Variants in LYNX1 observed in about 807,000 individuals in gnomAD.
LYNX1 encodes the protein Ly6/neurotoxin 1.
Under a neutral mutation model 8.3 loss-of-function variants are expected in LYNX1, and 8 were observed. The ratio of observed to expected loss-of-function variants is 0.97; its 90% CI spans 0.57 to 1.74. LYNX1 has a LOEUF of 1.74. Among genes scored for constraint, LYNX1 ranks in the 40% most tolerant of loss-of-function variants. The probability of loss-of-function intolerance (pLI) is 0.00; values close to 1 mark genes in which losing one functional copy is unlikely to be tolerated. For missense variants in LYNX1, 158 were observed against 159.7 expected (o/e 0.99, Z 0.06); for synonymous variants, 73 against 67.9 (o/e 1.08, Z -0.37).
rs374428985 is a variant in LYNX1, at chr8:142,775,592, C to T, written c.154+1G>A. Reference sequence around the variant, plus strand: ...GGGCCACGCAGGGCCCCCAGACTCACAGGTGCGCGTGGTCATGCAGTAGGC... The same window carrying T: ...GGGCCACGCAGGGCCCCCAGACTCATAGGTGCGCGTGGTCATGCAGTAGGC... On this transcript the variant is annotated splice_donor_variant, in intron 3 of 3. Coordinates refer to ENST00000652477, the MANE Select transcript of LYNX1 (RefSeq NM_177477.4). LOFTEE classifies it high-confidence loss of function. 1.1e-5 allele frequency: 17 copies of T among 1,587,066 alleles called. No individual in the cohort carries two copies. Among genetic ancestry groups the T allele is most frequent in the Non-Finnish European group, 1.5e-5 (17 of 1,166,876 alleles).
At position 142,772,933 on chromosome 8, in the gene LYNX1, A is replaced by C. The variant is rs964058359; in HGVS notation, c.*2234T>G. The C allele has an allele frequency of 2.0e-6, 2 of 985,348 alleles. No homozygotes were observed. The highest frequency in any genetic ancestry group is 1.2e-6 in the Non-Finnish European group (1 of 830,184). The allele number at this position is 985,348 out of a possible 1,614,324, so 61.0% of individuals were successfully genotyped here. A position where few individuals can be genotyped will look rare whatever the true frequency, so the allele number is the denominator to read the frequency against. On this transcript the variant is annotated 3_prime_UTR_variant, in exon 4 of 4. Coordinates refer to ENST00000652477, the MANE Select transcript of LYNX1 (RefSeq NM_177477.4). The stretch of plus-strand genomic sequence containing the variant: ...GCAGGTGTGAGAAGCTGCCCACCCC[A>C]CCCCTCAACACCACAGCACTTCCAG...
chr8:142,774,144 C>CGCCCGA lies in LYNX1; in HGVS notation c.*1022_*1023insTCGGGC. ...CGCTGCGGGGGAGGGGCTGGGTCTCCGCCCTCCCCACCCCACCCTCCCCAC... is the reference window on the plus strand; with the variant it reads ...CGCTGCGGGGGAGGGGCTGGGTCTCCGCCCGAGCCCTCCCCACCCCACCCTCCCCAC... On this transcript the variant is annotated 3_prime_UTR_variant, in exon 4 of 4. Coordinates refer to ENST00000652477, the MANE Select transcript of LYNX1 (RefSeq NM_177477.4). 2.0e-6 allele frequency: 2 copies of CGCCCGA among 983,760 alleles called. No homozygotes were observed. Among genetic ancestry groups the CGCCCGA allele is most frequent in the Non-Finnish European group, 2.4e-6 (2 of 829,060 alleles). The allele number at this position is 983,760 out of a possible 1,614,324, so 60.9% of individuals were successfully genotyped here. A position where few individuals can be genotyped will look rare whatever the true frequency, so the allele number is the denominator to read the frequency against.
chr8:142,772,858 G>A lies in LYNX1; in HGVS notation c.*2309C>T. On this transcript the variant is annotated 3_prime_UTR_variant, in exon 4 of 4. Coordinates refer to ENST00000652477, the MANE Select transcript of LYNX1 (RefSeq NM_177477.4). ...GGCCAGCCAGGCAGAACCATGTGTG[G>A]GGCTGGGACAGGTCAGGGTGGTGGA... 1.0e-6 allele frequency: 1 copy of A among 985,908 alleles called. No homozygotes were observed. Among genetic ancestry groups the A allele is most frequent in the Non-Finnish European group, 1.2e-6 (1 of 830,244 alleles). The allele number at this position is 985,908 out of a possible 1,614,324, so 61.1% of individuals were successfully genotyped here.
At chr8:142,777,498 A>AAGCGCTGGGAC (rs1381956756), upstream of LYNX1, among the ~76,000 whole-genome samples, 6 of 97,504 alleles carry the variant, frequency 6.2e-5, no homozygotes, top group African/African-American at 2.8e-4. Context: ...CCTCCTGGGC[A>AAGCGCTGGGAC]CCCGCCGAGC....
rs587709632 is a variant in LYNX1 at position 142,774,227 on chromosome 8, C to T, written c.*940G>A. Reference sequence around the variant, plus strand: ...TGCTCCGCCTTCCCACGCCCAGGCCCGCGCCGGCCCCAGGCTGCTCCCAAC... The same window carrying T: ...TGCTCCGCCTTCCCACGCCCAGGCCTGCGCCGGCCCCAGGCTGCTCCCAAC... On this transcript the variant is annotated 3_prime_UTR_variant, in exon 4 of 4. Coordinates refer to ENST00000652477, the MANE Select transcript of LYNX1 (RefSeq NM_177477.4). The T allele has an allele frequency of 4.9e-5, 48 of 984,966 alleles. No individual in the cohort carries two copies. Among genetic ancestry groups the T allele is most frequent in the Middle Eastern group, 1.0e-3 (2 of 1,916 alleles). 61.0% of individuals were successfully genotyped at this position (984,966 alleles called of 1,614,324 possible).
rs78636972 is a variant in LYNX1 at position 142,771,225 on chromosome 8, G to A, written c.*3942C>T. 2.6e-3 allele frequency: 2,586 copies of A among 985,488 alleles called. 53 individuals carry two copies. The African/African-American group carries it at 0.041, about 16-fold the overall frequency. The allele number at this position is 985,488 out of a possible 1,614,324, so 61.0% of individuals were successfully genotyped here. ...AATGCGAATCTGTTGATTTATTTAC[G>A]GCTCGGTGAGACGACGCTGGACGCT... is the stretch of plus-strand genomic sequence containing the variant. On this transcript the variant is annotated 3_prime_UTR_variant, in exon 4 of 4. Coordinates refer to ENST00000652477, the MANE Select transcript of LYNX1 (RefSeq NM_177477.4).
rs1432590447 is a variant in LYNX1 at position 142,775,040 on chromosome 8, G to T, written c.*127C>A. ...GAGGTCGGGTGTCTTCTTGCCCACA[G>T]TCCTGACCCTGGGCATGGCTGAGGA... On this transcript the variant is annotated 3_prime_UTR_variant, in exon 4 of 4. Coordinates refer to ENST00000652477, the MANE Select transcript of LYNX1 (RefSeq NM_177477.4). 7 of 1,472,384 alleles carry T rather than the reference G, an allele frequency of 4.8e-6. No individual in the cohort carries two copies. The highest frequency in any genetic ancestry group is 6.3e-6 in the Non-Finnish European group (7 of 1,113,962). The allele number at this position is 1,472,384 out of a possible 1,614,324, so 91.2% of individuals were successfully genotyped here. A position where few individuals can be genotyped will look rare whatever the true frequency, so the allele number is the denominator to read the frequency against.
rs765780020 is a variant in LYNX1, at chr8:142,774,972, C to G, written c.*195G>C. ...ACACTTTTGGGATCCCACACAGCAT[C>G]GAAAGGTCAAGGCCTCGAAGTGAGG... On this transcript the variant is annotated 3_prime_UTR_variant, in exon 4 of 4. Transcript: ENST00000652477. 7.0e-7 allele frequency: 1 copy of G among 1,430,098 alleles called. No individual in the cohort carries two copies. Among genetic ancestry groups the G allele is most frequent in the Non-Finnish European group, 9.1e-7 (1 of 1,096,230 alleles). The allele number at this position is 1,430,098 out of a possible 1,614,324, so 88.6% of individuals were successfully genotyped here. A position where few individuals can be genotyped will look rare whatever the true frequency, so the allele number is the denominator to read the frequency against.
chr8:142,772,019 C>T lies in LYNX1; in HGVS notation c.*3148G>A. 1.0e-6 allele frequency: 1 copy of T among 986,094 alleles called. No homozygotes were observed. Among genetic ancestry groups the T allele is most frequent in the Non-Finnish European group, 1.2e-6 (1 of 830,092 alleles). The allele number at this position is 986,094 out of a possible 1,614,324, so 61.1% of individuals were successfully genotyped here. A position where few individuals can be genotyped will look rare whatever the true frequency, so the allele number is the denominator to read the frequency against. ...CAGAATGTATAACATCCCAGGGTGC[C>T]AGAGCCCACCCAAGCAGCCACTCCT... On this transcript the variant is annotated 3_prime_UTR_variant, in exon 4 of 4. Transcript: ENST00000652477.
chr8:142,774,460 G>T lies in LYNX1; in HGVS notation c.*707C>A, dbSNP rs1026911001. 1.0e-4 allele frequency: 102 copies of T among 985,612 alleles called. No individual in the cohort carries two copies. Among genetic ancestry groups the T allele is most frequent in the Non-Finnish European group, 1.2e-4 (98 of 830,144 alleles). The allele number at this position is 985,612 out of a possible 1,614,324, so 61.1% of individuals were successfully genotyped here. On this transcript the variant is annotated 3_prime_UTR_variant, in exon 4 of 4. Transcript: ENST00000652477. ...CAGCTTCAGGCCTGGTGCCCTCCCC[G>T]TGAGGGGGTGGGAAACGTCAAGGGG...
intron 2 of LYNX1, 39 bp from the exon 3 acceptor site, chr8:142,775,733 C>T: frequency 6.4e-7 from 1 of 1,557,088 alleles, no homozygotes; most frequent in Non-Finnish European, 8.7e-7. Flanking sequence ...ACGGGGGTCA[C>T]AGAACATGAG....
In LYNX1 at chr8:142,773,607, G is replaced by T. The variant is rs1460066586; in HGVS notation, c.*1560C>A. 2 of 985,380 alleles carry T rather than the reference G, an allele frequency of 2.0e-6. No homozygotes were observed. The highest frequency in any genetic ancestry group is 3.5e-5 in the African/African-American group (2 of 57,220). 61.0% of individuals were successfully genotyped at this position (985,380 alleles called of 1,614,324 possible). ...GACTGAAGCTGGGCACTCAGAACCA[G>T]CCCCAGGAGCAGAACGCAGGCCTGC... On this transcript the variant is annotated 3_prime_UTR_variant, in exon 4 of 4. Coordinates refer to ENST00000652477, the MANE Select transcript of LYNX1 (RefSeq NM_177477.4).
chr8:142,775,731 C>T lies in LYNX1; in HGVS notation c.53-37G>A, dbSNP rs587776080. 30 of 1,558,040 alleles carry T rather than the reference C, an allele frequency of 1.9e-5. No individual in the cohort carries two copies. In the African/African-American group the frequency reaches 3.3e-4, roughly 17 times the overall value. ...AGATGGGCGGGAAGGGAACGGGGGT[C>T]ACAGAACATGAGAGGCCCCTCCTCC... On this transcript the variant is annotated intron_variant, in intron 2 of 3. Coordinates refer to ENST00000652477, the MANE Select transcript of LYNX1 (RefSeq NM_177477.4).
At position 142,772,581 on chromosome 8, in the gene LYNX1, CTCT is replaced by C. The variant is rs1266878978; in HGVS notation, c.*2583_*2585del. 1 of 985,454 alleles carries C rather than the reference CTCT, an allele frequency of 1.0e-6. No homozygotes were observed. Among genetic ancestry groups the C allele is most frequent in the Non-Finnish European group, 1.2e-6 (1 of 830,032 alleles). 61.0% of individuals were successfully genotyped at this position (985,454 alleles called of 1,614,324 possible). The stretch of plus-strand genomic sequence containing the variant: ...CACCTCCCTGTGCCTCTGTGTCCTC[CTCT>C]GTCAAAGGGGCAAGATAATGGCTCC... On this transcript the variant is annotated 3_prime_UTR_variant, in exon 4 of 4. Transcript: ENST00000652477.
chr8:142,774,543 G>A lies in LYNX1; in HGVS notation c.*624C>T. 1.0e-6 allele frequency: 1 copy of A among 985,708 alleles called. No homozygotes were observed. Among genetic ancestry groups the A allele is most frequent in the Non-Finnish European group, 1.2e-6 (1 of 830,152 alleles). The allele number at this position is 985,708 out of a possible 1,614,324, so 61.1% of individuals were successfully genotyped here. A position where few individuals can be genotyped will look rare whatever the true frequency, so the allele number is the denominator to read the frequency against. ...CCCGAAAAAGCTTCTGTGACTTCGG[G>A]GGCCCTGGGGCCTGCTGAGGCAGAG... On this transcript the variant is annotated 3_prime_UTR_variant, in exon 4 of 4. Coordinates refer to ENST00000652477, the MANE Select transcript of LYNX1 (RefSeq NM_177477.4).
Position 142,772,091 on chromosome 8 carries a change from C to G in LYNX1, c.*3076G>C. The G allele has an allele frequency of 1.0e-6, 1 of 986,404 alleles. No individual in the cohort carries two copies. The highest frequency in any genetic ancestry group is 1.2e-6 in the Non-Finnish European group (1 of 830,304). 61.1% of individuals were successfully genotyped at this position (986,404 alleles called of 1,614,324 possible). ...ACATCCCAGGGTGCCAGAGCCCGCCCAAGCAGCCACTCCTGTCCAGTTCCC... is the reference window on the plus strand; with the variant it reads ...ACATCCCAGGGTGCCAGAGCCCGCCGAAGCAGCCACTCCTGTCCAGTTCCC... On this transcript the variant is annotated 3_prime_UTR_variant, in exon 4 of 4. Coordinates refer to ENST00000652477, the MANE Select transcript of LYNX1 (RefSeq NM_177477.4).
chr8:142,776,257 A>C, intron 1 of LYNX1, 136 bp from the exon 2 acceptor site: 1 of 484,716 alleles, frequency 2.1e-6, no homozygotes, highest in Non-Finnish European at 3.8e-6. Context: ...AGGAGGAGAC[A>C]CTTGGGATGG....
In LYNX1 at chr8:142,773,600, A is replaced by G; in HGVS notation, c.*1567T>C. ...CTCAGGAGACTGAAGCTGGGCACTC[A>G]GAACCAGCCCCAGGAGCAGAACGCA... On this transcript the variant is annotated 3_prime_UTR_variant, in exon 4 of 4. Transcript: ENST00000652477. 1 of 985,538 alleles carries G rather than the reference A, an allele frequency of 1.0e-6. No homozygotes were observed. The highest frequency in any genetic ancestry group is 1.2e-6 in the Non-Finnish European group (1 of 830,032). The allele number at this position is 985,538 out of a possible 1,614,324, so 61.0% of individuals were successfully genotyped here.
Position 142,773,174 on chromosome 8 carries a change from C to A in LYNX1, c.*1993G>T. 1 of 985,694 alleles carries A rather than the reference C, an allele frequency of 1.0e-6. No homozygotes were observed. The highest frequency in any genetic ancestry group is 1.2e-6 in the Non-Finnish European group (1 of 830,116). 61.1% of individuals were successfully genotyped at this position (985,694 alleles called of 1,614,324 possible). On this transcript the variant is annotated 3_prime_UTR_variant, in exon 4 of 4. Coordinates refer to ENST00000652477, the MANE Select transcript of LYNX1 (RefSeq NM_177477.4). ...GACTTAGGAGCCCAAAGCCGCCTCC[C>A]TCCCGGTAAGCATCCCAAGGCATCG...
Sources: allele counts gnomAD v4.1 joint callset (sites outside exome capture counted in the v4.1 genomes callset), GRCh38; gene constraint gnomAD v4.1.1; transcripts MANE v1.5; gene names NCBI Gene and HGNC (gene_info 2026-07-23, HGNC 2026-07-21).